Variants in CYP2C18 observed in about 807,000 individuals in gnomAD.
CYP2C18 encodes the protein cytochrome P450 2C18.
CYP2C18 carries 38 observed loss-of-function variants against 41.3 expected under a neutral mutation model. The ratio of observed to expected loss-of-function variants is 0.92; its 90% confidence interval spans 0.71 to 1.21. CYP2C18 has a LOEUF of 1.21. Ranked by LOEUF, CYP2C18 falls within the 50% of genes most tolerant of loss-of-function variation. The pLI, the probability that CYP2C18 is intolerant of heterozygous loss-of-function variation, is 0.00. For missense variants in CYP2C18, 635 were observed against 591.4 expected (o/e 1.07, Z -0.77); for synonymous variants, 236 against 210.0 (o/e 1.12, Z -1.07).
chr10:94,720,880 C>T (rs1414208806), intron 6 of CYP2C18, among the ~76,000 whole-genome samples: 2 of 152,128 alleles, frequency 1.3e-5, no homozygotes, highest in African/African-American at 2.4e-5. Context: ...TGTTGGTTTT[C>T]TAAAGAACAG....
chr10:94,724,678 C>T lies in CYP2C18; in HGVS notation c.1149+145C>T, dbSNP rs1217615152. 1.3e-5 allele frequency: 10 copies of T among 756,016 alleles called. No individual in the cohort carries two copies. The Admixed American group carries it at 2.5e-4, about 19-fold the overall frequency. 46.8% of individuals were successfully genotyped at this position (756,016 alleles called of 1,614,324 possible). A position where few individuals can be genotyped will look rare whatever the true frequency, so the allele number is the denominator to read the frequency against. ...TTTCTGGACTCTGCTGTTTCCATTCCAGTTTGGGCCTATGAAGGTTTATAA... is the reference window on the plus strand; with the variant it reads ...TTTCTGGACTCTGCTGTTTCCATTCTAGTTTGGGCCTATGAAGGTTTATAA... On this transcript the variant is annotated intron_variant, in intron 7 of 8. Coordinates refer to ENST00000285979, the MANE Select transcript of CYP2C18 (RefSeq NM_000772.3).
chr10:94,718,575 C>T (rs74152337), intron 5 of CYP2C18, among the ~76,000 whole-genome samples: 1 of 152,024 alleles, frequency 6.6e-6, no homozygotes, highest in African/African-American at 2.4e-5. Context: ...GTTAGCCATG[C>T]ACTTGTCATA....
chr10:94,699,768 C>A (rs1847198021), intron 4 of CYP2C18, among the ~76,000 whole-genome samples: 1 of 152,186 alleles, frequency 6.6e-6, no homozygotes, highest in Non-Finnish European at 1.5e-5. Flanking sequence ...TGACAAGCAA[C>A]TTCAGCAAGG....
At chr10:94,697,031 A>T (rs1847130980) in intron 4 of CYP2C18, among the ~76,000 whole-genome samples, 1 of 152,266 alleles carries the variant, frequency 6.6e-6, no homozygotes, top group South Asian at 2.1e-4. Context: ...GACGGGGAGA[A>T]TGGAACCAAG....
intron 4 of CYP2C18, among the ~76,000 whole-genome samples, chr10:94,703,257 AGGGCTAGGCTG>A (rs1449349019): frequency 6.6e-6 from 1 of 152,204 alleles, no homozygotes; most frequent in Admixed American, 6.5e-5. Flanking sequence ...GCAGAGCTTG[AGGGCTAGGCTG>A]GGAGATCTGC....
intron 1 of CYP2C18, 152 bp from the exon 2 acceptor site, chr10:94,687,618 T>A: frequency 1.3e-6 from 1 of 778,850 alleles, no homozygotes; most frequent in South Asian, 1.9e-5. Context: ...ACAATAATCA[T>A]CATCTTTGTC....
At chr10:94,702,383 G>T (rs1266543594) in intron 4 of CYP2C18, among the ~76,000 whole-genome samples, 2 of 152,046 alleles carry the variant, frequency 1.3e-5, no homozygotes, top group East Asian at 3.9e-4. Flanking sequence ...TCAAACATAT[G>T]TTTGGTCTTT....
chr10:94,734,503 G>C (rs1482344521), intron 8 of CYP2C18, among the ~76,000 whole-genome samples: 1 of 152,108 alleles, frequency 6.6e-6, no homozygotes, highest in Non-Finnish European at 1.5e-5. Flanking sequence ...ACCTAGAGAG[G>C]GTGAGTTTCT....
intron 8 of CYP2C18, among the ~76,000 whole-genome samples, chr10:94,734,597 G>A (rs1847887969): frequency 2.6e-5 from 4 of 152,098 alleles, no homozygotes. Flanking sequence ...GAGCTTTTTA[G>A]GCAGATGTGA....
chr10:94,733,217 A>T (rs1847863494), intron 7 of CYP2C18, 80 bp from the exon 8 acceptor site: 1 of 1,348,560 alleles, frequency 7.4e-7, no homozygotes, highest in Non-Finnish European at 1.0e-6. Flanking sequence ...GATAAAAGAG[A>T]TTGGACTAGG....
chr10:94,720,715 G>A (rs1243515762), intron 6 of CYP2C18, among the ~76,000 whole-genome samples, 178 bp downstream of exon 6: 1 of 152,112 alleles, frequency 6.6e-6, no homozygotes, highest in Non-Finnish European at 1.5e-5. Flanking sequence ...TGCACAATAG[G>A]GAAGAGGGAC....
At chr10:94,714,943 G>T (rs1356935764) in intron 5 of CYP2C18, among the ~76,000 whole-genome samples, 1 of 152,078 alleles carries the variant, frequency 6.6e-6, no homozygotes, top group Non-Finnish European at 1.5e-5. Context: ...TGAAGCAATT[G>T]TGAATGGGAG....
intron 7 of CYP2C18, among the ~76,000 whole-genome samples, chr10:94,726,699 CCT>C (rs1438976910): frequency 2.6e-5 from 4 of 151,548 alleles, no homozygotes; most frequent in Non-Finnish European, 4.4e-5. Context: ...TTGACTGTAA[CCT>C]CTCTGAGTTC....
rs1365307461 is a variant in CYP2C18, at chr10:94,724,587, A to G, written c.1149+54A>G. 3.5e-5 allele frequency: 53 copies of G among 1,493,764 alleles called. No homozygotes were observed. In the Admixed American group the frequency reaches 8.6e-4, roughly 24 times the overall value. The allele number at this position is 1,493,764 out of a possible 1,614,324, so 92.5% of individuals were successfully genotyped here. ...CCATGCTCTTCAAGTCCCCAAATTCATAGTATAGTCCCAATCCTCTAACAA... is the reference window on the plus strand; with the variant it reads ...CCATGCTCTTCAAGTCCCCAAATTCGTAGTATAGTCCCAATCCTCTAACAA... On this transcript the variant is annotated intron_variant, in intron 7 of 8. Transcript: ENST00000285979.
rs754900853 is a variant in CYP2C18 at position 94,706,905 on chromosome 10, T to A, written c.764T>A (p.Leu255Gln). The A allele has an allele frequency of 6.2e-7, 1 of 1,612,862 alleles. No individual in the cohort carries two copies. The highest frequency in any genetic ancestry group is 8.5e-7 in the Non-Finnish European group (1 of 1,179,392). Reference protein sequence around the residue: ...LERIKEHQESLDMNSARDFID... With the variant: ...LERIKEHQESQDMNSARDFID... ...AGAATAAAAGAACATCAAGAATCCC[T>A]GGACATGAACAGTGCTCGGGACTTT... The change falls in exon 5 of 9, where the codon CTG (leucine) becomes CAG (glutamine). Residue 255 changes from leucine (L) to glutamine (Q), a missense_variant. Physicochemically the swap from Leu to Gln is moderately radical, Grantham distance 113 (BLOSUM62 -2). Transcript: ENST00000285979.
intron 7 of CYP2C18, among the ~76,000 whole-genome samples, chr10:94,726,308 C>T (rs1847741034): frequency 6.6e-6 from 1 of 152,058 alleles, no homozygotes; most frequent in African/African-American, 2.4e-5. Flanking sequence ...ATCAACCTGT[C>T]ACCTACATTA....
At position 94,733,311 on chromosome 10, in the gene CYP2C18, A is replaced by T. The variant is rs759909448; in HGVS notation, c.1164A>T (p.Ile388=). ...GCTATTTTCAGGGCACGACCATAATAACATCCCTGACTTCTGTGCTGCACA... is the reference window on the plus strand; with the variant it reads ...GCTATTTTCAGGGCACGACCATAATTACATCCCTGACTTCTGTGCTGCACA... ...NYLIPKGTTI[I]TSLTSVLHND... The change falls in exon 8 of 9, where the codon ATA becomes ATT. Residue 388 remains isoleucine (I), a synonymous_variant. Transcript: ENST00000285979. 24 of 1,612,790 alleles carry T rather than the reference A, an allele frequency of 1.5e-5. No individual in the cohort carries two copies. The African/African-American group carries it at 2.9e-4, about 20-fold the overall frequency.
intron 3 of CYP2C18, among the ~76,000 whole-genome samples, chr10:94,690,374 A>G (rs1274947755): frequency 6.6e-6 from 1 of 152,126 alleles, no homozygotes; most frequent in Non-Finnish European, 1.5e-5. Context: ...ATTGAAATGT[A>G]ACAAACTACC....
chr10:94,720,223 A>G (rs1430696919), intron 5 of CYP2C18, among the ~76,000 whole-genome samples, 173 bp from the exon 6 acceptor site: 1 of 152,210 alleles, frequency 6.6e-6, no homozygotes, highest in Non-Finnish European at 1.5e-5. Flanking sequence ...GGAATGGGAA[A>G]TGAACTATTT....
Sources: gnomAD v4.1 joint callset for allele counts (sites outside exome capture counted in the v4.1 genomes callset) on GRCh38, gnomAD v4.1.1 for gene constraint, MANE v1.5 for transcripts, NCBI Gene and HGNC (gene_info 2026-07-23, HGNC 2026-07-21) for gene names.